CYB5R3: variants seen among roughly 807,000 people sequenced by gnomAD.
CYB5R3 encodes cytochrome b5 reductase 3.
Under a neutral mutation model 36.5 loss-of-function variants are expected in CYB5R3, and 28 were observed. That is an observed-to-expected ratio of 0.77 (90% CI 0.57 to 1.05). The LOEUF (loss-of-function observed/expected upper bound fraction) is 1.05, where lower values mean the gene tolerates loss of function less well. CYB5R3 is among the 50% of genes least tolerant of loss of function. The pLI is 0.00. For synonymous variants in CYB5R3, 181 were observed against 159.8 expected (o/e 1.13, Z -1.00); for missense variants, 474 against 408.9 (o/e 1.16, Z -1.37).
chr22:42,635,964 C>CTGT (rs1371902243), intron 2 of CYB5R3, among the ~76,000 whole-genome samples: 4 of 152,176 alleles, frequency 2.6e-5, no homozygotes, highest in Non-Finnish European at 5.9e-5. Flanking sequence ...CCTGTAATCC[C>CTGT]AACACTTTGG....
rs8190407 is a variant in CYB5R3 at position 42,644,428 on chromosome 22, G to C, written c.21+4867C>G. 4,496 of 736,744 alleles carry C rather than the reference G, an allele frequency of 6.1e-3. 135 individuals carry two copies. In the African/African-American group the frequency reaches 0.069, roughly 11 times the overall value. 45.6% of individuals were successfully genotyped at this position (736,744 alleles called of 1,614,324 possible). On this transcript the variant is annotated intron_variant, in intron 1 of 8. Transcript: ENST00000352397. ...GCTCTTTCAACATCAAGCCCATCTTGCTTCAGGCGTTCGCATATGCTCTCC... is the reference window on the plus strand; with the variant it reads ...GCTCTTTCAACATCAAGCCCATCTTCCTTCAGGCGTTCGCATATGCTCTCC...
chr22:42,621,202 G>T (rs1217953033), intron 8 of CYB5R3, among the ~76,000 whole-genome samples: 1 of 151,930 alleles, frequency 6.6e-6, no homozygotes, highest in Non-Finnish European at 1.5e-5. Context: ...GTGTGTGTGT[G>T]TGTGTGTGTG....
rs1928329636 is a variant in CYB5R3, at chr22:42,627,364, GA to G, written c.572del (p.Ile191ThrfsTer5). ...GTGITPMLQV[I>X]RAIMKDPDDH... The stretch of plus-strand genomic sequence containing the variant: ...CATCAGGGTCCTTCATGATGGCGCG[GA>G]TCACCTGCAGCATCGGGGTGATGCC... On this transcript the variant is annotated frameshift_variant, in exon 7 of 9. Transcript: ENST00000352397. LOFTEE classifies it high-confidence loss of function. 1.2e-6 allele frequency: 2 copies of G among 1,613,886 alleles called. No individual in the cohort carries two copies. Among genetic ancestry groups the G allele is most frequent in the Non-Finnish European group, 1.7e-6 (2 of 1,179,984 alleles).
chr22:42,646,657 C>T (rs765564235), intron 1 of CYB5R3: 273 of 985,510 alleles, frequency 2.8e-4, no homozygotes, highest in Non-Finnish European at 3.2e-4. Context: ...CCTGCCTGCC[C>T]GCCAGCGGTC....
At chr22:42,629,071 G>A (rs1327366521) in intron 4 of CYB5R3, among the ~76,000 whole-genome samples, 1 of 152,158 alleles carries the variant, frequency 6.6e-6, no homozygotes, top group Non-Finnish European at 1.5e-5. Flanking sequence ...TCCAAGCCAG[G>A]AGAGGCCTGG....
intron 7 of CYB5R3, among the ~76,000 whole-genome samples, chr22:42,624,332 C>T (rs548995060): frequency 6.6e-6 from 1 of 152,302 alleles, no homozygotes; most frequent in East Asian, 1.9e-4. Context: ...ACCCTCAGCC[C>T]TCCGGCAAGT....
intron 7 of CYB5R3, 111 bp from the exon 8 acceptor site, chr22:42,623,999 C>G: frequency 1.1e-6 from 1 of 927,536 alleles, no homozygotes; most frequent in Non-Finnish European, 1.7e-6. Flanking sequence ...CACACGCTTG[C>G]GGAGCTTTCA....
intron 8 of CYB5R3, among the ~76,000 whole-genome samples, chr22:42,621,096 T>C (rs1013996500): frequency 1.3e-5 from 2 of 152,230 alleles, no homozygotes; most frequent in East Asian, 1.9e-4. Flanking sequence ...TGAAAGTACC[T>C]TGTAAAAACT....
rs757383164 is a variant in CYB5R3, at chr22:42,627,758, G to T, written c.464-70C>A. 8 of 1,210,452 alleles carry T rather than the reference G, an allele frequency of 6.6e-6. No homozygotes were observed. The East Asian group carries it at 1.2e-4, about 18-fold the overall frequency. The allele number at this position is 1,210,452 out of a possible 1,614,324, so 75.0% of individuals were successfully genotyped here. ...GTGTGGTGGCTGGAGAGGCTGGAGA[G>T]GGGGCTGGAGAACCTGCCCCCACTG... On this transcript the variant is annotated intron_variant, in intron 5 of 8. Coordinates refer to ENST00000352397, the MANE Select transcript of CYB5R3 (RefSeq NM_000398.7).
Position 42,628,205 on chromosome 22 carries a change from C to T in CYB5R3, c.410G>A (p.Gly137Glu). 4 of 1,614,090 alleles carry T rather than the reference C, an allele frequency of 2.5e-6. No individual in the cohort carries two copies. The highest frequency in any genetic ancestry group is 1.1e-5 in the South Asian group (1 of 91,078). Residue 137 changes from glycine to glutamate, a missense_variant, in exon 5 of 9, where the codon GGA becomes GAA. Gly to Glu is a moderately conservative substitution (Grantham distance 98). Transcript: ENST00000352397. ...MSQYLESMQI[G>E]DTIEFRGPSG... is the part of the protein sequence containing the mutation. ...GGGGCCCCGGAACTCAATGGTGTCT[C>T]CAATCTGCATGCTCTCCAGGTACTG...
intron 1 of CYB5R3, among the ~76,000 whole-genome samples, chr22:42,637,532 G>A (rs902777124): frequency 3.9e-5 from 6 of 152,146 alleles, no homozygotes; most frequent in Admixed American, 6.5e-5. Flanking sequence ...AAGGGGAAGC[G>A]AAGCACTGAG....
intron 1 of CYB5R3, 181 bp from the exon 2 acceptor site, chr22:42,637,027 G>C: frequency 1.3e-6 from 1 of 760,458 alleles, no homozygotes; most frequent in Non-Finnish European, 2.2e-6. Context: ...AAGCTATAAA[G>C]ACCAGCCTCA....
intron 7 of CYB5R3, 110 bp from the exon 8 acceptor site, chr22:42,623,998 G>T (rs1601929975): frequency 1.1e-6 from 1 of 937,822 alleles, no homozygotes; most frequent in South Asian, 1.4e-5. Flanking sequence ...CCACACGCTT[G>T]CGGAGCTTTC....
chr22:42,627,417 C>G (rs202003764), intron 6 of CYB5R3, 28 bp from the exon 7 acceptor site: 39 of 1,608,810 alleles, frequency 2.4e-5, no homozygotes, highest in Admixed American at 3.3e-5. Context: ...GGGCCTCGCA[C>G]GTGCTGAGCG....
At position 42,628,249 on chromosome 22, in the gene CYB5R3, G is replaced by A. The variant is rs764533420; in HGVS notation, c.366C>T (p.Pro122=). ...VYFKDTHPKF[P]AGGKMSQYLE... ...GGTACTGAGACATCTTCCCTCCAGC[G>A]GGAAACTTGGGATGGGTGTCCTTGA... Residue 122 remains proline (P), a synonymous_variant, in exon 5 of 9, where the codon CCC becomes CCT. Coordinates refer to ENST00000352397, the MANE Select transcript of CYB5R3 (RefSeq NM_000398.7). The A allele has an allele frequency of 1.8e-5, 29 of 1,613,888 alleles. No individual in the cohort carries two copies. The highest frequency in any genetic ancestry group is 1.6e-4 in the Middle Eastern group (1 of 6,084).
chr22:42,630,250 G>C (rs533488125), intron 4 of CYB5R3, among the ~76,000 whole-genome samples: 2 of 152,218 alleles, frequency 1.3e-5, no homozygotes, highest in East Asian at 3.9e-4. Flanking sequence ...CCCCGCAGCA[G>C]ACCCCAGAAA....
Position 42,637,845 on chromosome 22 carries a change from CCATCCCT to C in CYB5R3, c.22-1006_22-1000del, listed in dbSNP as rs762007680. Among the ~76,000 whole-genome samples the C allele has an allele frequency of 3.2e-3, 489 of 152,344 alleles. 3 individuals carry two copies. Among genetic ancestry groups the C allele is most frequent in the Non-Finnish European group, 5.1e-3 (347 of 68,042 alleles). ...GGTGAGGAGCTGACCCAGAGTCCACCCATCCCTTATACCACGCTGGGATACCTCATGA... is the reference window on the plus strand; with the variant it reads ...GGTGAGGAGCTGACCCAGAGTCCACCTATACCACGCTGGGATACCTCATGA... On this transcript the variant is annotated intron_variant, in intron 1 of 8. Coordinates refer to ENST00000352397, the MANE Select transcript of CYB5R3 (RefSeq NM_000398.7).
At position 42,618,366 on chromosome 22, in the gene CYB5R3, T is replaced by C. The variant is rs546246715; in HGVS notation, c.*1407A>G. On this transcript the variant is annotated 3_prime_UTR_variant, in exon 9 of 9. Coordinates refer to ENST00000352397, the MANE Select transcript of CYB5R3 (RefSeq NM_000398.7). ...TCCCGGCTAAAACGGTGAAACCCCG[T>C]CTCTACTAAAAATACAAAAAATTAG... 6.7e-6 allele frequency: 1 copy of C among 150,246 alleles called. No homozygotes were observed. The highest frequency in any genetic ancestry group is 2.1e-4 in the South Asian group (1 of 4,724). The allele number at this position is 150,246 out of a possible 1,614,324, so 9.3% of individuals were successfully genotyped here. A position where few individuals can be genotyped will look rare whatever the true frequency, so the allele number is the denominator to read the frequency against.
rs770456347 is a variant in CYB5R3 at position 42,627,590 on chromosome 22, G to A, written c.547+15C>T. Reference sequence around the variant, plus strand: ...ACATGAGCCGCCGGACGCCTCAGTGGGGGGTTCCGTGTACCTGTCCCTCCC... The same window carrying A: ...ACATGAGCCGCCGGACGCCTCAGTGAGGGGTTCCGTGTACCTGTCCCTCCC... On this transcript the variant is annotated intron_variant, in intron 6 of 8. Coordinates refer to ENST00000352397, the MANE Select transcript of CYB5R3 (RefSeq NM_000398.7). 4.5e-5 allele frequency: 73 copies of A among 1,610,780 alleles called. 2 individuals carry two copies. Among genetic ancestry groups the A allele is most frequent in the South Asian group, 3.0e-4 (27 of 91,024 alleles).
Sources: allele counts gnomAD v4.1 joint callset (sites outside exome capture counted in the v4.1 genomes callset), GRCh38; gene constraint gnomAD v4.1.1; transcripts MANE v1.5; gene names NCBI Gene and HGNC (gene_info 2026-07-23, HGNC 2026-07-21).